The following KCNC1 variants were observed in gnomAD, a reference collection of about 807,000 sequenced individuals.
The protein encoded by KCNC1 is voltage-gated potassium channel KCNC1.
In KCNC1, 8 loss-of-function variants were observed where a neutral mutation model predicts 43.4. The ratio of observed to expected loss-of-function variants is 0.18; its 90% confidence interval spans 0.11 to 0.33. The LOEUF (loss-of-function observed/expected upper bound fraction) is 0.33, where lower values mean the gene tolerates loss of function less well. Ranked by LOEUF, KCNC1 falls within the 10% of genes least tolerant of loss-of-function variation. KCNC1 has a pLI of 1.00. For synonymous variants in KCNC1, 361 were observed against 360.5 expected, an observed-to-expected ratio of 1.00 and a Z score of -0.01; for missense variants, 420 against 836.0, an observed-to-expected ratio of 0.50 and a Z score of 6.14.
At chr11:17,738,391 G>A (rs1041338610) in intron 1 of KCNC1, among the ~76,000 whole-genome samples, 3 of 152,242 alleles carry the variant, frequency 2.0e-5, no homozygotes, top group Middle Eastern at 6.8e-3. Context: ...GTGGGCAGAG[G>A]CCTGGGTTAC....
chr11:17,777,869 C>T lies in KCNC1; in HGVS notation c.1505-1587C>T, dbSNP rs977111441. On this transcript the variant is annotated intron_variant, in intron 2 of 3. Coordinates refer to ENST00000265969, the MANE Select transcript of KCNC1 (RefSeq NM_001112741.2). The surrounding 1 kb of genome is among the most constrained non-coding windows in gnomAD (Gnocchi z 4.3). ...TGTAGTGACATGATGTGTACACGGGCGGTAATCCCACCCACGTGCACGCCC... is the reference window on the plus strand; with the variant it reads ...TGTAGTGACATGATGTGTACACGGGTGGTAATCCCACCCACGTGCACGCCC... 12 of 986,024 alleles carry T rather than the reference C, an allele frequency of 1.2e-5. No homozygotes were observed. The South Asian group carries it at 3.8e-4, about 31-fold the overall frequency. 61.1% of individuals were successfully genotyped at this position (986,024 alleles called of 1,614,324 possible).
chr11:17,772,711 C>T (rs960958127), intron 2 of KCNC1, 113 bp downstream of exon 2: 145 of 1,524,774 alleles, frequency 9.5e-5, no homozygotes, highest in African/African-American at 4.3e-4. Flanking sequence ...CCCCGGACCC[C>T]GCACTCAGTC....
intron 1 of KCNC1, among the ~76,000 whole-genome samples, chr11:17,749,507 G>A (rs938127174): frequency 1.3e-5 from 2 of 152,174 alleles, no homozygotes; most frequent in African/African-American, 4.8e-5. Context: ...ACTTCCGTGG[G>A]CCTCATCACC....
At chr11:17,748,044 G>A (rs1848921149) in intron 1 of KCNC1, among the ~76,000 whole-genome samples, 1 of 152,212 alleles carries the variant, frequency 6.6e-6, no homozygotes, top group Non-Finnish European at 1.5e-5. Flanking sequence ...TATGTGACAG[G>A]TGCTGCTCAA....
chr11:17,750,680 G>A (rs543591866), intron 1 of KCNC1, among the ~76,000 whole-genome samples: 8 of 152,254 alleles, frequency 5.3e-5, no homozygotes, highest in African/African-American at 1.7e-4. Context: ...CATTCCCAAC[G>A]TGCTCCGGCT....
In KCNC1 at chr11:17,781,506, G is replaced by A. The variant is rs2133811538; in HGVS notation, c.1694-164G>A. 2 of 606,366 alleles carry A rather than the reference G, an allele frequency of 3.3e-6. No individual in the cohort carries two copies. Among genetic ancestry groups the A allele is most frequent in the East Asian group, 5.7e-5 (2 of 35,388 alleles). The allele number at this position is 606,366 out of a possible 1,614,324, so 37.6% of individuals were successfully genotyped here. On this transcript the variant is annotated intron_variant, in intron 3 of 3. Transcript: ENST00000265969. The surrounding 1 kb of genome is among the most constrained non-coding windows in gnomAD (Gnocchi z 5.1). The stretch of plus-strand genomic sequence containing the variant: ...AGGAGGGAGAGAAAGAGGCGTGCTA[G>A]GCTGGCTCAGTGCATGGGCAAACCA...
At chr11:17,744,153 G>T (rs1848872753) in intron 1 of KCNC1, among the ~76,000 whole-genome samples, 1 of 152,172 alleles carries the variant, frequency 6.6e-6, no homozygotes, top group Non-Finnish European at 1.5e-5. Flanking sequence ...CCTTCATCCT[G>T]CAGTTTTTCC....
At chr11:17,766,855 A>G (rs1415595391) in intron 1 of KCNC1, among the ~76,000 whole-genome samples, 1 of 151,602 alleles carries the variant, frequency 6.6e-6, no homozygotes, top group African/African-American at 2.4e-5. Context: ...GCAAGAGCTT[A>G]GGTTCTAGAG....
chr11:17,779,558 G>C lies in KCNC1; in HGVS notation c.1607G>C (p.Arg536Pro), dbSNP rs1442404828. ...LTPDEGLPFT[R>P]SGTRERYGPC... ...CCCGATGAGGGCCTGCCCTTTACGC[G>C]CTCGGGCACCCGCGAGAGATACGGA... The change falls in exon 3 of 4, where the codon CGC (arginine) becomes CCC (proline). Residue 536 changes from arginine to proline, a missense_variant. Physicochemically the swap from Arg to Pro is moderately radical, Grantham distance 103 (BLOSUM62 -2). Transcript: ENST00000265969. This position sits in a 1 kb window ranked among gnomAD's most constrained non-coding sequence, Gnocchi z 7.2. 1.9e-6 allele frequency: 3 copies of C among 1,551,552 alleles called. No homozygotes were observed. Among genetic ancestry groups the C allele is most frequent in the Non-Finnish European group, 2.6e-6 (3 of 1,146,960 alleles).
At chr11:17,747,889 C>A (rs1848918956) in intron 1 of KCNC1, among the ~76,000 whole-genome samples, 1 of 152,220 alleles carries the variant, frequency 6.6e-6, no homozygotes, top group Non-Finnish European at 1.5e-5. Flanking sequence ...CTCTTCCTTC[C>A]CCAGTGCAAC....
intron 1 of KCNC1, among the ~76,000 whole-genome samples, chr11:17,745,079 C>A (rs78110584): frequency 0.018 from 2,781 of 152,176 alleles, 82 homozygotes; most frequent in African/African-American, 0.062. Context: ...GCCCTGAAAC[C>A]GATTCAGAAT....
intron 1 of KCNC1, among the ~76,000 whole-genome samples, chr11:17,754,888 C>T (rs574586072): frequency 2.0e-5 from 3 of 152,330 alleles, no homozygotes; most frequent in Non-Finnish European, 2.9e-5. Context: ...GGGATTTTCT[C>T]GCACATCTTA....
At chr11:17,737,225 G>T (rs1048094360) in intron 1 of KCNC1, among the ~76,000 whole-genome samples, 3 of 152,162 alleles carry the variant, frequency 2.0e-5, no homozygotes, top group Admixed American at 1.3e-4. Context: ...TAAGGTAGGG[G>T]TGGTCCGTCT....
chr11:17,772,644 C>A (rs1849243260), intron 2 of KCNC1, 46 bp downstream of exon 2: 3 of 1,590,590 alleles, frequency 1.9e-6, no homozygotes, highest in Non-Finnish European at 1.7e-6. Context: ...TTCACCTCTG[C>A]CCCCTGTAGC....
intron 1 of KCNC1, among the ~76,000 whole-genome samples, chr11:17,745,784 TCA>T (rs762766369): frequency 8.5e-5 from 13 of 152,164 alleles, no homozygotes; most frequent in Non-Finnish European, 1.5e-4. Flanking sequence ...GTATCAGCTC[TCA>T]CACCCCCTCC....
chr11:17,747,933 C>T (rs539859153), intron 1 of KCNC1, among the ~76,000 whole-genome samples: 3 of 152,340 alleles, frequency 2.0e-5, no homozygotes, highest in East Asian at 3.9e-4. Flanking sequence ...CCCACACTCC[C>T]GCTTTGCACA....
At chr11:17,769,944 G>A (rs562983267) in intron 1 of KCNC1, among the ~76,000 whole-genome samples, 50 of 152,326 alleles carry the variant, frequency 3.3e-4, no homozygotes, top group Non-Finnish European at 3.5e-4. Context: ...ATATCTACAG[G>A]CTACTCTCAC....
At chr11:17,737,118 C>A (rs966025915) in intron 1 of KCNC1, among the ~76,000 whole-genome samples, 2 of 151,988 alleles carry the variant, frequency 1.3e-5, no homozygotes, top group Non-Finnish European at 2.9e-5. Context: ...GACACCCCCT[C>A]CTCAGGGAGC....
intron 1 of KCNC1, among the ~76,000 whole-genome samples, chr11:17,754,774 A>G (rs1366283602): frequency 6.6e-6 from 1 of 152,224 alleles, no homozygotes; most frequent in Non-Finnish European, 1.5e-5. Flanking sequence ...AACAACAAAC[A>G]TGAACACTAA....
Sources: gnomAD v4.1 joint callset for allele counts (sites outside exome capture counted in the v4.1 genomes callset) on GRCh38, gnomAD v4.1.1 for gene constraint, Gnocchi (gnomAD v3.1) non-coding constraint, MANE v1.5 for transcripts, NCBI Gene and HGNC (gene_info 2026-07-23, HGNC 2026-07-21) for gene names.